ITGBL1: variants seen among roughly 807,000 people sequenced by gnomAD.
ITGBL1 encodes integrin beta-like protein 1.
In ITGBL1, 51 loss-of-function variants were observed where a neutral mutation model predicts 68.5. The observed-to-expected ratio is 0.74, with a 90% CI of 0.59 to 0.94. The LOEUF (loss-of-function observed/expected upper bound fraction) is 0.94. Ranked by LOEUF, ITGBL1 falls within the 40% of genes least tolerant of loss-of-function variation. ITGBL1 has a pLI of 0.00. For missense variants in ITGBL1, 649 were observed against 647.4 expected (o/e 1.00, Z -0.03); for synonymous variants, 209 against 227.3 (o/e 0.92, Z 0.72).
intron 2 of ITGBL1, among the ~76,000 whole-genome samples, chr13:101,498,778 G>A (rs968246272): frequency 2.0e-5 from 3 of 152,108 alleles, no homozygotes; most frequent in Non-Finnish European, 4.4e-5. Flanking sequence ...TTCTGTGTTA[G>A]CCTGTTTTTA....
chr13:101,499,548 T>C (rs1303406289), intron 2 of ITGBL1, among the ~76,000 whole-genome samples: 2 of 152,196 alleles, frequency 1.3e-5, no homozygotes, highest in Non-Finnish European at 2.9e-5. Flanking sequence ...TGACTTTCAC[T>C]ATAAAATGCC....
intron 7 of ITGBL1, among the ~76,000 whole-genome samples, chr13:101,655,747 C>G (rs943291026): frequency 6.6e-6 from 1 of 152,172 alleles, no homozygotes; most frequent in Non-Finnish European, 1.5e-5. Context: ...CTGAGCTGAT[C>G]GTATGGAGGC....
intron 7 of ITGBL1, among the ~76,000 whole-genome samples, chr13:101,606,099 G>GCTCT (rs111356070): frequency 8.2e-4 from 102 of 124,912 alleles, no homozygotes; most frequent in Non-Finnish European, 1.2e-3. Flanking sequence ...ATATATATAT[G>GCTCT]CTCTCTCTCT....
At chr13:101,561,260 G>A (rs1396264154) in intron 2 of ITGBL1, among the ~76,000 whole-genome samples, 1 of 152,104 alleles carries the variant, frequency 6.6e-6, no homozygotes, top group African/African-American at 2.4e-5. Flanking sequence ...TCACAGAAAG[G>A]ACTGGAAGAT....
chr13:101,453,004 C>G, intron 1 of ITGBL1, 73 bp downstream of exon 1: 1 of 1,228,250 alleles, frequency 8.1e-7, no homozygotes, highest in South Asian at 1.2e-5. Flanking sequence ...TGCAGGATGG[C>G]TGCCCTAAGC....
intron 3 of ITGBL1, 123 bp downstream of exon 3, chr13:101,567,968 G>T (rs1288256448): frequency 1.1e-5 from 8 of 741,938 alleles, no homozygotes; most frequent in Non-Finnish European, 1.7e-5. Flanking sequence ...ATGTTTTTTA[G>T]AAGTGAAATT....
intron 2 of ITGBL1, among the ~76,000 whole-genome samples, chr13:101,498,301 A>G (rs2048888407): frequency 6.6e-6 from 1 of 152,180 alleles, no homozygotes; most frequent in Admixed American, 6.5e-5. Flanking sequence ...AGATGTGAAC[A>G]AGCTTTTTAT....
rs755517767 is a variant in ITGBL1, at chr13:101,692,630, G to A, written c.1061G>A (p.Arg354His). Residue 354 changes from arginine (R) to histidine (H), a missense_variant, in exon 8 of 11, where the codon CGC (arginine) becomes CAC (histidine). By Grantham distance (29) the Arg-to-His change is conservative. Transcript: ENST00000376180. ...TGCACCTGCTATCCTCCAGGAGATC[G>A]CCGGGTGTATGGCAAGACTTGTGAG... ...GKCTCYPPGDRRVYGKTCECD... is the reference protein window; with the variant it reads ...GKCTCYPPGDHRVYGKTCECD... 4 of 1,613,778 alleles carry A rather than the reference G, an allele frequency of 2.5e-6. No individual in the cohort carries two copies. The highest frequency in any genetic ancestry group is 1.7e-5 in the Admixed American group (1 of 59,996).
chr13:101,630,091 G>A (rs935285271), intron 7 of ITGBL1, among the ~76,000 whole-genome samples: 43 of 151,962 alleles, frequency 2.8e-4, no homozygotes, highest in Admixed American at 2.2e-3. Flanking sequence ...CAAAGTGCTG[G>A]GATTACAAGC....
chr13:101,601,609 G>T lies in ITGBL1; in HGVS notation c.1015+3310G>T, dbSNP rs548751605. 4.9e-4 allele frequency among the ~76,000 whole-genome samples: 75 copies of T among 152,304 alleles called. No individual in the cohort carries two copies. In the South Asian group the frequency reaches 0.015, roughly 30 times the overall value. ...TTTCCCTCTACACACTGCTTTGAAT[G>T]TGTCCCAGAGATTCTGGTATGTTGT... is the stretch of plus-strand genomic sequence containing the variant. On this transcript the variant is annotated intron_variant, in intron 7 of 10. Transcript: ENST00000376180.
At chr13:101,555,084 A>T (rs1044687175) in intron 2 of ITGBL1, among the ~76,000 whole-genome samples, 6 of 152,132 alleles carry the variant, frequency 3.9e-5, no homozygotes, top group African/African-American at 1.4e-4. Context: ...TCCTTTTTTA[A>T]ATTTTTGAGT....
intron 2 of ITGBL1, among the ~76,000 whole-genome samples, chr13:101,553,634 T>G (rs773834399): frequency 5.3e-5 from 8 of 152,186 alleles, no homozygotes; most frequent in Non-Finnish European, 1.0e-4. Flanking sequence ...ACTTGGTTCC[T>G]CCTGAGGGTT....
At chr13:101,499,165 A>G (rs1282156131) in intron 2 of ITGBL1, among the ~76,000 whole-genome samples, 1 of 152,196 alleles carries the variant, frequency 6.6e-6, no homozygotes, top group African/African-American at 2.4e-5. Context: ...TCTGTGCTCT[A>G]AGTTCATGCT....
chr13:101,681,263 G>A (rs979526348), intron 7 of ITGBL1, among the ~76,000 whole-genome samples: 3 of 152,076 alleles, frequency 2.0e-5, no homozygotes, highest in Non-Finnish European at 2.9e-5. Flanking sequence ...GGGAAGAAAC[G>A]TATGTGTATG....
chr13:101,465,410 T>C (rs1252592385), intron 2 of ITGBL1, among the ~76,000 whole-genome samples: 1 of 152,224 alleles, frequency 6.6e-6, no homozygotes, highest in East Asian at 1.9e-4. Context: ...TTCTCTATCT[T>C]TGAGGCAATA....
At chr13:101,718,421 A>G (rs188616734), downstream of ITGBL1, 19 of 152,254 alleles carry the variant, frequency 1.2e-4, 1 homozygote, top group East Asian at 3.7e-3. Flanking sequence ...GGCAAGAACA[A>G]ACTTACTTGT....
chr13:101,600,422 C>T (rs180762610), intron 7 of ITGBL1, among the ~76,000 whole-genome samples: 24 of 152,280 alleles, frequency 1.6e-4, no homozygotes, highest in Non-Finnish European at 2.9e-5. Flanking sequence ...AATTGAATGC[C>T]GTTTATTCCC....
chr13:101,693,683 T>A (rs2033936307), intron 8 of ITGBL1, among the ~76,000 whole-genome samples: 1 of 151,060 alleles, frequency 6.6e-6, no homozygotes, highest in African/African-American at 2.4e-5. Context: ...TATCTGTGTA[T>A]CTATTATCTA....
At chr13:101,694,653 C>G (rs1277179946) in intron 8 of ITGBL1, among the ~76,000 whole-genome samples, 1 of 152,112 alleles carries the variant, frequency 6.6e-6, no homozygotes, top group Non-Finnish European at 1.5e-5. Context: ...AACTCCTGGG[C>G]TCAAGGGATT....
Sources: gnomAD v4.1 joint callset for allele counts (sites outside exome capture counted in the v4.1 genomes callset) on GRCh38, gnomAD v4.1.1 for gene constraint, MANE v1.5 for transcripts, NCBI Gene and HGNC (gene_info 2026-07-23, HGNC 2026-07-21) for gene names.